SLC25A12: variants seen among roughly 807,000 people sequenced by gnomAD.
SLC25A12 encodes the protein solute carrier family 25 member 12.
In SLC25A12, 32 loss-of-function variants were observed where a neutral mutation model predicts 83.3. That is an observed-to-expected ratio of 0.38 (90% CI 0.29 to 0.52). The LOEUF (loss-of-function observed/expected upper bound fraction) is 0.52, where lower values mean the gene tolerates loss of function less well. SLC25A12 is among the 20% of genes least tolerant of loss of function. SLC25A12 has a pLI of 0.84. For missense variants in SLC25A12, 611 were observed against 835.6 expected (o/e 0.73, Z 3.31); for synonymous variants, 267 against 291.1 (o/e 0.92, Z 0.84).
Position 171,813,332 on chromosome 2 carries a change from TACTC to T in SLC25A12, c.1171+3_1171+6del, listed in dbSNP as rs1248106739. The T allele has an allele frequency of 6.2e-7, 1 of 1,613,810 alleles. No individual in the cohort carries two copies. The highest frequency in any genetic ancestry group is 8.5e-7 in the Non-Finnish European group (1 of 1,179,886). On this transcript the variant is annotated splice_donor_5th_base_variant and intron_variant, in intron 11 of 17. Transcript: ENST00000422440. ...CTAACTTCAGCAGCTGGGATTTGCTTACTCACCCCTGTAGAGTCCAAAGAAGCCC... is the reference window on the plus strand; with the variant it reads ...CTAACTTCAGCAGCTGGGATTTGCTTACCCCTGTAGAGTCCAAAGAAGCCC...
chr2:171,878,508 C>T (rs1399532912), intron 2 of SLC25A12, among the ~76,000 whole-genome samples: 1 of 152,190 alleles, frequency 6.6e-6, no homozygotes, highest in African/African-American at 2.4e-5. Context: ...AACCTTTCAT[C>T]TCTCTCCAAG....
intron 2 of SLC25A12, among the ~76,000 whole-genome samples, chr2:171,881,055 T>C (rs1197409792): frequency 6.6e-6 from 1 of 152,242 alleles, no homozygotes; most frequent in African/African-American, 2.4e-5. Flanking sequence ...ATAAAATACT[T>C]AAAATAGTGC....
chr2:171,832,989 A>C (rs1016713669), intron 8 of SLC25A12, among the ~76,000 whole-genome samples: 2 of 152,262 alleles, frequency 1.3e-5, no homozygotes, highest in African/African-American at 4.8e-5. Flanking sequence ...AAGGGCACCA[A>C]GCTGGGCTTC....
At chr2:171,849,533 C>T (rs376421651) in intron 4 of SLC25A12, among the ~76,000 whole-genome samples, 4 of 148,304 alleles carry the variant, frequency 2.7e-5, no homozygotes, top group South Asian at 2.1e-4. Flanking sequence ...TTGTCTGTCA[C>T]GCAGGCTGAA....
chr2:171,789,049 T>C (rs1302782259), intron 15 of SLC25A12: 1 of 152,270 alleles, frequency 6.6e-6, no homozygotes, highest in Non-Finnish European at 1.5e-5. Flanking sequence ...TCTTCTTCTC[T>C]GGCTGTTTTT....
chr2:171,879,966 A>G (rs1454846765), intron 2 of SLC25A12, among the ~76,000 whole-genome samples: 1 of 152,188 alleles, frequency 6.6e-6, no homozygotes, highest in Non-Finnish European at 1.5e-5. Context: ...GAACTTCGAC[A>G]CTCAAAAGAA....
rs1257878102 is a variant in SLC25A12, at chr2:171,801,904, G to C, written c.1305+7702C>G. Among the ~76,000 whole-genome samples, 3 of 101,830 alleles carry C rather than the reference G, an allele frequency of 2.9e-5. No homozygotes were observed. In the East Asian group the frequency reaches 8.0e-4, roughly 27 times the overall value. The allele number at this position is 101,830 out of a possible 152,430, so 66.8% of individuals were successfully genotyped here. ...CTCATTGGAAGTCGAGGAATATCTG[G>C]ATCTGTGTGTGTGTGTGTGTGTGTG... On this transcript the variant is annotated intron_variant, in intron 13 of 17. Transcript: ENST00000422440.
chr2:171,843,598 C>T (rs890249902), intron 5 of SLC25A12, among the ~76,000 whole-genome samples: 1 of 151,984 alleles, frequency 6.6e-6, no homozygotes, highest in Non-Finnish European at 1.5e-5. Context: ...CACCACTGCA[C>T]TCCAGCCTGA....
At chr2:171,840,996 A>G (rs973926035) in intron 5 of SLC25A12, among the ~76,000 whole-genome samples, 3 of 152,242 alleles carry the variant, frequency 2.0e-5, no homozygotes, top group African/African-American at 7.2e-5. Context: ...TTTCAAAATT[A>G]TAAGGAAAAT....
chr2:171,832,090 G>T (rs1005993404), intron 8 of SLC25A12, among the ~76,000 whole-genome samples: 3 of 152,134 alleles, frequency 2.0e-5, no homozygotes, highest in Admixed American at 2.0e-4. Flanking sequence ...TGGTAAACCT[G>T]TATGGTTTCA....
At chr2:171,817,147 T>C (rs1464103333) in intron 9 of SLC25A12, among the ~76,000 whole-genome samples, 2 of 152,194 alleles carry the variant, frequency 1.3e-5, no homozygotes, top group Non-Finnish European at 2.9e-5. Context: ...TTGTACTTTC[T>C]AGCCTCTAGA....
At chr2:171,890,534 T>G (rs1250729721) in intron 2 of SLC25A12, among the ~76,000 whole-genome samples, 1 of 151,886 alleles carries the variant, frequency 6.6e-6, no homozygotes, top group Admixed American at 6.6e-5. Flanking sequence ...CAGGCTGGAG[T>G]GCAGTGGTAT....
chr2:171,814,490 CT>C (rs541354798), intron 10 of SLC25A12, among the ~76,000 whole-genome samples: 64 of 145,060 alleles, frequency 4.4e-4, no homozygotes, highest in Non-Finnish European at 4.6e-4. Context: ...CAATTTCTTT[CT>C]TTTTTTTTTT....
chr2:171,787,827 C>G lies in SLC25A12; in HGVS notation c.1706G>C (p.Arg569Pro). 6.2e-7 allele frequency: 1 copy of G among 1,614,198 alleles called. No individual in the cohort carries two copies. The highest frequency in any genetic ancestry group is 8.5e-7 in the Non-Finnish European group (1 of 1,180,038). ...GVIDCFRKIL[R>P]EEGPSAFWKG... Reference sequence around the variant, plus strand: ...CCAAAATGCTGAGGGCCCTTCTTCCCGGAGAATCTTCCTGAAACAGTCGAT... The same window carrying G: ...CCAAAATGCTGAGGGCCCTTCTTCCGGGAGAATCTTCCTGAAACAGTCGAT... The change falls in exon 16 of 18, where the codon CGG (arginine) becomes CCG (proline). Residue 569 changes from arginine (R) to proline (P), a missense_variant. Physicochemically the swap from Arg to Pro is moderately radical, Grantham distance 103. Around this residue, in one of 3 missense-constraint regions of SLC25A12, gnomAD observed 540 missense variants for 777.5 expected, o/e 0.69. Coordinates refer to ENST00000422440, the MANE Select transcript of SLC25A12 (RefSeq NM_003705.5).
chr2:171,870,866 T>C (rs1049001451), intron 2 of SLC25A12, among the ~76,000 whole-genome samples: 81 of 152,162 alleles, frequency 5.3e-4, no homozygotes, highest in Non-Finnish European at 2.9e-5. Flanking sequence ...GTTGCAAACA[T>C]CTCCATTTGT....
chr2:171,885,800 C>G (rs2105931469), intron 2 of SLC25A12, among the ~76,000 whole-genome samples: 1 of 152,286 alleles, frequency 6.6e-6, no homozygotes, highest in East Asian at 1.9e-4. Flanking sequence ...TTCTGTGTGT[C>G]TCATACTGGG....
intron 4 of SLC25A12, 144 bp downstream of exon 4, chr2:171,855,690 C>A: frequency 1.4e-6 from 1 of 695,386 alleles, no homozygotes; most frequent in Non-Finnish European, 2.6e-6. Flanking sequence ...ATAAAGCCAT[C>A]ATTATCTGCA....
intron 11 of SLC25A12, among the ~76,000 whole-genome samples, chr2:171,810,790 G>A (rs939746278): frequency 6.6e-6 from 1 of 152,180 alleles, no homozygotes; most frequent in African/African-American, 2.4e-5. Context: ...GAGAAACACA[G>A]CATTCAATAT....
Position 171,844,523 on chromosome 2 carries a change from CAAAAA to C in SLC25A12, c.326-20_326-16del. ...TTTGACATTTTCTTAAAAGGGAAAA[CAAAAA>C]TAAATCAATTATATCTGGAATAAGT... On this transcript the variant is annotated splice_polypyrimidine_tract_variant and intron_variant, in intron 4 of 17. Coordinates refer to ENST00000422440, the MANE Select transcript of SLC25A12 (RefSeq NM_003705.5). 6.6e-7 allele frequency: 1 copy of C among 1,509,482 alleles called. No individual in the cohort carries two copies. Among genetic ancestry groups the C allele is most frequent in the Non-Finnish European group, 9.2e-7 (1 of 1,085,544 alleles). 93.5% of individuals were successfully genotyped at this position (1,509,482 alleles called of 1,614,324 possible).
Sources: allele counts gnomAD v4.1 joint callset (sites outside exome capture counted in the v4.1 genomes callset), GRCh38; gene constraint gnomAD v4.1.1; regional missense constraint gnomAD v4.1.1; transcripts MANE v1.5; gene names NCBI Gene and HGNC (gene_info 2026-07-23, HGNC 2026-07-21).